Variants in TBC1D32 observed in about 807,000 individuals in gnomAD.
TBC1D32 encodes the protein protein broad-minded.
Under a neutral mutation model 170.3 loss-of-function variants are expected in TBC1D32, and 151 were observed. The ratio of observed to expected loss-of-function variants is 0.89; its 90% CI spans 0.78 to 1.01. The LOEUF is 1.01. Ranked by LOEUF, TBC1D32 falls within the 50% of genes least tolerant of loss-of-function variation. The pLI is 0.00. For synonymous variants in TBC1D32, 498 were observed against 488.0 expected (o/e 1.02, Z -0.27); for missense variants, 1,464 against 1,457.1 (o/e 1.00, Z -0.08).
chr6:121,103,796 A>T (rs528812309), intron 30 of TBC1D32, among the ~76,000 whole-genome samples: 1 of 152,054 alleles, frequency 6.6e-6, no homozygotes, highest in Non-Finnish European at 1.5e-5. Flanking sequence ...TACACATTAC[A>T]CTAACGTAGA....
At chr6:121,172,841 G>C (rs982612006) in intron 22 of TBC1D32, among the ~76,000 whole-genome samples, 2 of 152,110 alleles carry the variant, frequency 1.3e-5, no homozygotes, top group Admixed American at 6.6e-5. Flanking sequence ...TATAGCATTT[G>C]GGTTGGGGAT....
intron 26 of TBC1D32, among the ~76,000 whole-genome samples, chr6:121,125,725 T>G (rs1780764175): frequency 6.6e-6 from 1 of 152,146 alleles, no homozygotes; most frequent in African/African-American, 2.4e-5. Context: ...ACTAGTACCC[T>G]AGGGATCTGC....
chr6:121,313,107 TGTGTGTG>T (rs1808451638), intron 3 of TBC1D32, among the ~76,000 whole-genome samples: 1 of 872 alleles, frequency 1.1e-3, no homozygotes, highest in Non-Finnish European at 4.6e-3. Context: ...GCTAAGGTGG[TGTGTGTG>T]TGTGTGTGTG....
At chr6:121,269,918 G>A (rs1801121276) in intron 15 of TBC1D32, among the ~76,000 whole-genome samples, 1 of 152,062 alleles carries the variant, frequency 6.6e-6, no homozygotes, top group African/African-American at 2.4e-5. Context: ...CTGTCTCTCA[G>A]ACCACAGTGC....
intron 21 of TBC1D32, among the ~76,000 whole-genome samples, chr6:121,215,250 CTCATACTTCAGGCCAA>C (rs1325038293): frequency 6.6e-6 from 1 of 152,244 alleles, no homozygotes; most frequent in African/African-American, 2.4e-5. Context: ...CAGCTCGGCC[CTCATACTTCAGGCCAA>C]CCATGGCTTG....
At chr6:121,138,868 G>A (rs143730212) in intron 24 of TBC1D32, among the ~76,000 whole-genome samples, 1,814 of 146,902 alleles carry the variant, frequency 0.012, 37 homozygotes, top group African/African-American at 0.043. Flanking sequence ...TTTTTGAGAC[G>A]GAGTCTCGCT....
At chr6:121,307,237 T>A (rs183014557) in intron 5 of TBC1D32, among the ~76,000 whole-genome samples, 1 of 151,912 alleles carries the variant, frequency 6.6e-6, no homozygotes, top group African/African-American at 2.4e-5. Context: ...CAGCCAGGCA[T>A]GGTAGTGCAT....
At chr6:121,134,886 C>T (rs1379519794) in intron 24 of TBC1D32, among the ~76,000 whole-genome samples, 3 of 152,068 alleles carry the variant, frequency 2.0e-5, no homozygotes, top group Non-Finnish European at 2.9e-5. Flanking sequence ...CATCTACTGC[C>T]ACATGGCCTT....
At position 121,277,701 on chromosome 6, in the gene TBC1D32, T is replaced by G. The variant is rs1484922765; in HGVS notation, c.1733+1420A>C. Among the ~76,000 whole-genome samples the G allele has an allele frequency of 2.0e-5, 3 of 151,672 alleles. No homozygotes were observed. In the East Asian group the frequency reaches 5.8e-4, roughly 29 times the overall value. Reference sequence around the variant, plus strand: ...AAGAGCTAAAACGAATCATGTAAGCTTCCACCATAGAAAACTAGGAAGAGA... The same window carrying G: ...AAGAGCTAAAACGAATCATGTAAGCGTCCACCATAGAAAACTAGGAAGAGA... On this transcript the variant is annotated intron_variant, in intron 15 of 31. Transcript: ENST00000398212.
In TBC1D32 at chr6:121,216,287, G is replaced by C. The variant is rs952290845; in HGVS notation, c.2481+6949C>G. ...CAGATATCAGACTCCAAGTTCTTTA[G>C]TTTTGAGACTCAAACTGGCTCTCCT... On this transcript the variant is annotated intron_variant, in intron 21 of 31. Transcript: ENST00000398212. 3.9e-5 allele frequency among the ~76,000 whole-genome samples: 6 copies of C among 152,158 alleles called. No individual in the cohort carries two copies. The East Asian group carries it at 1.2e-3, about 29-fold the overall frequency.
chr6:121,300,237 T>A (rs1167832891), intron 9 of TBC1D32, among the ~76,000 whole-genome samples: 7 of 149,948 alleles, frequency 4.7e-5, no homozygotes, highest in Non-Finnish European at 1.0e-4. Flanking sequence ...AGGTCAGGAG[T>A]TCGAGTATGG....
intron 24 of TBC1D32, among the ~76,000 whole-genome samples, chr6:121,135,891 A>G (rs1782003261): frequency 6.6e-6 from 1 of 152,128 alleles, no homozygotes; most frequent in Non-Finnish European, 1.5e-5. Flanking sequence ...ATCCACCCTA[A>G]CAAAAAAATG....
intron 20 of TBC1D32, among the ~76,000 whole-genome samples, chr6:121,229,292 C>G (rs1795449602): frequency 6.6e-6 from 1 of 152,104 alleles, no homozygotes; most frequent in Non-Finnish European, 1.5e-5. Context: ...TTTTGTCTTT[C>G]CCATTTTCAA....
At chr6:121,227,087 T>C (rs1468969242) in intron 20 of TBC1D32, among the ~76,000 whole-genome samples, 1 of 152,156 alleles carries the variant, frequency 6.6e-6, no homozygotes, top group Non-Finnish European at 1.5e-5. Context: ...AATCTCATAA[T>C]GTTTTAAGAA....
chr6:121,294,581 G>C lies in TBC1D32; in HGVS notation c.1220C>G (p.Ser407Ter). ...TRKADETLGH[S>*]KHCRNKQKTF... ...GAAATAATACTTACTGCAATGCTTT[G>C]AATGTCCCAAAGTTTCATCAGCTTT... Residue 407 changes from serine to a stop codon, truncating the protein, a stop_gained, in exon 11 of 32, where the codon TCA becomes TGA. Transcript: ENST00000398212. LOFTEE classifies it high-confidence loss of function. 6.2e-7 allele frequency: 1 copy of C among 1,610,888 alleles called. No individual in the cohort carries two copies. Among genetic ancestry groups the C allele is most frequent in the Non-Finnish European group, 8.5e-7 (1 of 1,178,522 alleles).
At chr6:121,270,805 C>T (rs1801291829) in intron 15 of TBC1D32, among the ~76,000 whole-genome samples, 1 of 152,116 alleles carries the variant, frequency 6.6e-6, no homozygotes, top group African/African-American at 2.4e-5. Context: ...AGAAACACAA[C>T]AAAAACAGGG....
Position 121,334,287 on chromosome 6 carries a change from T to C in TBC1D32, c.144A>G (p.Glu48=). Reference sequence around the variant, plus strand: ...AAAAGCAATTTTACTTGTGAAAATTTTCATCAGTTTCCTCCAGATGTAAAA... The same window carrying C: ...AAAAGCAATTTTACTTGTGAAAATTCTCATCAGTTTCCTCCAGATGTAAAA... The part of the protein sequence containing the change: ...EILLHLEETD[E]NFHNYEFVKY... The change falls in exon 1 of 32, where the codon GAA becomes GAG. Residue 48 remains glutamate (E), a synonymous_variant. Coordinates refer to ENST00000398212, the MANE Select transcript of TBC1D32 (RefSeq NM_152730.6). 6.2e-7 allele frequency: 1 copy of C among 1,614,020 alleles called. No homozygotes were observed. Among genetic ancestry groups the C allele is most frequent in the Non-Finnish European group, 8.5e-7 (1 of 1,179,944 alleles).
chr6:121,117,036 G>T (rs1345286811), intron 26 of TBC1D32, among the ~76,000 whole-genome samples: 1 of 151,946 alleles, frequency 6.6e-6, no homozygotes, highest in Non-Finnish European at 1.5e-5. Flanking sequence ...TTGCCAAGAG[G>T]GAATGTCCAG....
At chr6:121,268,457 T>TG (rs1266402209) in intron 15 of TBC1D32, among the ~76,000 whole-genome samples, 1 of 152,084 alleles carries the variant, frequency 6.6e-6, no homozygotes, top group African/African-American at 2.4e-5. Context: ...GAGAACTACG[T>TG]GACGCATGCA....
Sources: gnomAD v4.1 joint callset for allele counts (sites outside exome capture counted in the v4.1 genomes callset) on GRCh38, gnomAD v4.1.1 for gene constraint, MANE v1.5 for transcripts, NCBI Gene and HGNC (gene_info 2026-07-23, HGNC 2026-07-21) for gene names.